The following SCCPDH variants were observed in gnomAD, a reference collection of about 807,000 sequenced individuals.
The protein encoded by SCCPDH is saccharopine dehydrogenase-like oxidoreductase.
A neutral mutation model predicts 51.5 loss-of-function variants in SCCPDH; 34 were observed. The ratio of observed to expected loss-of-function variants is 0.66; its 90% CI spans 0.50 to 0.88. The LOEUF is 0.88. Among genes scored for constraint, SCCPDH ranks in the 40% least tolerant of loss-of-function variants. The pLI, the probability that SCCPDH is intolerant of heterozygous loss-of-function variation, is 0.00. For missense variants in SCCPDH, 464 were observed against 527.1 expected (o/e 0.88, Z 1.17); for synonymous variants, 187 against 191.3 (o/e 0.98, Z 0.19).
intron 2 of SCCPDH, among the ~76,000 whole-genome samples, chr1:246,733,622 G>A (rs1572293949): frequency 6.6e-6 from 1 of 152,040 alleles, no homozygotes; most frequent in East Asian, 1.9e-4. Flanking sequence ...GCTACACATT[G>A]AAGCACGTGC....
In SCCPDH at chr1:246,740,267, T is replaced by A; in HGVS notation, c.480T>A (p.Asp160Glu). The change falls in exon 4 of 12, where the codon GAT becomes GAA. Residue 160 changes from aspartate (D) to glutamate (E), a missense_variant. Physicochemically the swap from Asp to Glu is conservative, Grantham distance 45. Coordinates refer to ENST00000366510, the MANE Select transcript of SCCPDH (RefSeq NM_016002.3). The part of the protein sequence containing the change: ...GSSGFDSIPA[D>E]LGVIYTRNKM... ...GCGGCTTTGACTCCATTCCAGCAGA[T>A]CTGGGAGTAATATATACCAGAAATA... 3.1e-6 allele frequency: 5 copies of A among 1,608,122 alleles called. No homozygotes were observed. The highest frequency in any genetic ancestry group is 4.3e-6 in the Non-Finnish European group (5 of 1,175,890).
intron 5 of SCCPDH, among the ~76,000 whole-genome samples, chr1:246,751,280 G>C (rs1410922463): frequency 2.0e-5 from 3 of 151,992 alleles, no homozygotes; most frequent in Admixed American, 2.0e-4. Context: ...GTTTTTTATA[G>C]ACTCTTTTTA....
intron 2 of SCCPDH, among the ~76,000 whole-genome samples, 186 bp downstream of exon 2, chr1:246,727,190 G>A (rs2102978827): frequency 6.6e-6 from 1 of 152,330 alleles, no homozygotes; most frequent in East Asian, 1.9e-4. Flanking sequence ...GTGAGTGACA[G>A]GCTCTCCATG....
At chr1:246,735,731 C>G (rs1317581570) in intron 2 of SCCPDH, among the ~76,000 whole-genome samples, 1 of 152,176 alleles carries the variant, frequency 6.6e-6, no homozygotes. Context: ...GGGGTTTCAC[C>G]ATGTTGGCCA....
At chr1:246,744,189 C>A in intron 5 of SCCPDH, 64 bp downstream of exon 5, 2 of 949,584 alleles carry the variant, frequency 2.1e-6, no homozygotes, top group Non-Finnish European at 1.6e-6. Flanking sequence ...GGAAATGATA[C>A]ATGTGTCTTT....
chr1:246,757,160 A>G (rs12090470), intron 5 of SCCPDH, among the ~76,000 whole-genome samples: 49,407 of 151,904 alleles, frequency 0.33, 9,410 homozygotes, highest in South Asian at 0.45. Context: ...CCTGGCCAAC[A>G]TGGTGAAACC....
chr1:246,760,173 C>T lies in SCCPDH; in HGVS notation c.936C>T (p.Phe312=), dbSNP rs367677711. 1.0e-4 allele frequency: 166 copies of T among 1,605,854 alleles called. No homozygotes were observed. The highest frequency in any genetic ancestry group is 1.3e-4 in the Non-Finnish European group (153 of 1,178,042). The change falls in exon 9 of 12, where the codon TTC becomes TTT. Residue 312 remains phenylalanine, a splice_region_variant and synonymous_variant. Coordinates refer to ENST00000366510, the MANE Select transcript of SCCPDH (RefSeq NM_016002.3). ...TGACGGTTTTTTTTTCCCTTTAGTT[C>T]CCATGGTTCTTCTCCTTTGGCTATT... ...FGIGRQLLIK[F]PWFFSFGYFS... is the part of the protein sequence containing the mutation.
chr1:246,727,858 G>C (rs1030487808), intron 2 of SCCPDH, among the ~76,000 whole-genome samples: 1 of 152,154 alleles, frequency 6.6e-6, no homozygotes, highest in African/African-American at 2.4e-5. Context: ...GCTGGGTCAT[G>C]TGGGATCTTA....
rs1669116181 is a variant in SCCPDH, at chr1:246,768,109, C to T, written c.*809C>T. 6.6e-6 allele frequency: 1 copy of T among 152,080 alleles called. No homozygotes were observed. Among genetic ancestry groups the T allele is most frequent in the Non-Finnish European group, 1.5e-5 (1 of 68,018 alleles). The allele number at this position is 152,080 out of a possible 1,614,324, so 9.4% of individuals were successfully genotyped here. A position where few individuals can be genotyped will look rare whatever the true frequency, so the allele number is the denominator to read the frequency against. On this transcript the variant is annotated 3_prime_UTR_variant, in exon 12 of 12. Transcript: ENST00000366510. ...AAAAGACTTTTTCTTTTGTAATAAG[C>T]ATATAATAAACACGTATATACATAG...
intron 9 of SCCPDH, among the ~76,000 whole-genome samples, chr1:246,761,438 A>G (rs1183963689): frequency 6.6e-6 from 1 of 152,242 alleles, no homozygotes; most frequent in Non-Finnish European, 1.5e-5. Flanking sequence ...AACCATTTAA[A>G]AATGCTGAGT....
At chr1:246,732,571 C>G (rs111700933) in intron 2 of SCCPDH, among the ~76,000 whole-genome samples, 1 of 151,988 alleles carries the variant, frequency 6.6e-6, no homozygotes, top group Non-Finnish European at 1.5e-5. Context: ...TATTTTTAGT[C>G]GAGACAGGGT....
chr1:246,735,969 C>G lies in SCCPDH; in HGVS notation c.304-6C>G. 6.3e-7 allele frequency: 1 copy of G among 1,591,116 alleles called. No homozygotes were observed. The highest frequency in any genetic ancestry group is 1.3e-5 in the African/African-American group (1 of 74,206). ...AATAACCTCTTTGTTCTTTTTGTTT[C>G]CCTAGTATCGGTTTTATGGAGAACC... On this transcript the variant is annotated splice_polypyrimidine_tract_variant and splice_region_variant and intron_variant, in intron 2 of 11. Transcript: ENST00000366510.
chr1:246,735,642 C>T (rs1668554561), intron 2 of SCCPDH, among the ~76,000 whole-genome samples: 1 of 152,224 alleles, frequency 6.6e-6, no homozygotes, highest in Non-Finnish European at 1.5e-5. Context: ...AACCATTCTC[C>T]TGCCTCAGCC....
chr1:246,743,956 T>C (rs962543412), intron 4 of SCCPDH, 120 bp from the exon 5 acceptor site: 1 of 594,290 alleles, frequency 1.7e-6, no homozygotes, highest in African/African-American at 1.9e-5. Flanking sequence ...AAATTTTCTG[T>C]GTCAGCTGTA....
At chr1:246,730,445 A>G (rs1326337285) in intron 2 of SCCPDH, among the ~76,000 whole-genome samples, 2 of 152,160 alleles carry the variant, frequency 1.3e-5, no homozygotes, top group South Asian at 2.1e-4. Context: ...TAGAACCTCA[A>G]TAACCTCATT....
At chr1:246,758,966 A>T in intron 6 of SCCPDH, 68 bp from the exon 7 acceptor site, 1 of 913,932 alleles carries the variant, frequency 1.1e-6, no homozygotes, top group Non-Finnish European at 1.8e-6. Flanking sequence ...TGATTTGCTT[A>T]TTCAGACATT....
Position 246,764,234 on chromosome 1 carries a change from T to G in SCCPDH, c.991-12T>G. 6.3e-7 allele frequency: 1 copy of G among 1,581,312 alleles called. No individual in the cohort carries two copies. Among genetic ancestry groups the G allele is most frequent in the Non-Finnish European group, 8.7e-7 (1 of 1,152,260 alleles). ...TATTTATGAAATGCGCCCTTTGCCTTCTCCTTCACAGATTGATGCTGCCTC... is the reference window on the plus strand; with the variant it reads ...TATTTATGAAATGCGCCCTTTGCCTGCTCCTTCACAGATTGATGCTGCCTC... On this transcript the variant is annotated splice_polypyrimidine_tract_variant and intron_variant, in intron 9 of 11. Transcript: ENST00000366510.
chr1:246,755,099 G>T (rs139084755), intron 5 of SCCPDH, among the ~76,000 whole-genome samples: 22 of 152,244 alleles, frequency 1.4e-4, no homozygotes, highest in African/African-American at 3.9e-4. Context: ...AAGTGTACAA[G>T]ATTTCTTTGA....
intron 5 of SCCPDH, among the ~76,000 whole-genome samples, chr1:246,746,320 C>G (rs567911875): frequency 6.6e-6 from 1 of 152,062 alleles, no homozygotes; most frequent in South Asian, 2.1e-4. Context: ...GCAATCAGAA[C>G]GGAACAGAAC....
Sources: allele counts gnomAD v4.1 joint callset (sites outside exome capture counted in the v4.1 genomes callset), GRCh38; gene constraint gnomAD v4.1.1; transcripts MANE v1.5; gene names NCBI Gene and HGNC (gene_info 2026-07-23, HGNC 2026-07-21).